The following MYO16 variants were observed in gnomAD, a reference collection of about 807,000 sequenced individuals.
MYO16 encodes the protein unconventional myosin-XVI.
Under a neutral mutation model 205.3 loss-of-function variants are expected in MYO16, and 94 were observed. That is an observed-to-expected ratio of 0.46 (90% CI 0.39 to 0.54). The LOEUF (loss-of-function observed/expected upper bound fraction) is 0.54. Among genes scored for constraint, MYO16 ranks in the 20% least tolerant of loss-of-function variants. The probability of loss-of-function intolerance (pLI) is 0.00; values close to 1 mark genes in which losing one functional copy is unlikely to be tolerated. For synonymous variants in MYO16, 988 were observed against 954.0 expected, an observed-to-expected ratio of 1.04 and a Z score of -0.66; for missense variants, 2,315 against 2,387.5, an observed-to-expected ratio of 0.97 and a Z score of 0.63.
chr13:109,038,186 AC>A (rs1886773108), intron 23 of MYO16, among the ~76,000 whole-genome samples: 1 of 152,154 alleles, frequency 6.6e-6, no homozygotes, highest in Non-Finnish European at 1.5e-5. Context: ...GTGATGATTA[AC>A]TTATGTGTCG....
chr13:108,962,939 C>T (rs1199508192), intron 19 of MYO16, among the ~76,000 whole-genome samples: 1 of 152,244 alleles, frequency 6.6e-6, no homozygotes, highest in African/African-American at 2.4e-5. Context: ...TCACAGATTG[C>T]TCTGATGTGG....
chr13:109,171,172 C>T (rs911315083), intron 33 of MYO16, among the ~76,000 whole-genome samples: 4 of 152,098 alleles, frequency 2.6e-5, no homozygotes, highest in African/African-American at 4.8e-5. Context: ...TTGTTTGTTA[C>T]GGAGGAACCA....
rs78066747 is a variant in MYO16, at chr13:108,815,653, C to T, written c.868-4684C>T. On this transcript the variant is annotated intron_variant, in intron 7 of 34. Coordinates refer to ENST00000457511, the MANE Select transcript of MYO16 (RefSeq NM_001198950.3). ...ACTTCTGACCTACAGAATTGTAAGG[C>T]AATACATTTTTATTGTTTAAGCCAC... 1.4e-4 allele frequency among the ~76,000 whole-genome samples: 21 copies of T among 152,232 alleles called. No homozygotes were observed. In the East Asian group the frequency reaches 4.1e-3, roughly 29 times the overall value.
At chr13:108,874,209 T>TC (rs1327597296) in intron 12 of MYO16, among the ~76,000 whole-genome samples, 1 of 151,866 alleles carries the variant, frequency 6.6e-6, no homozygotes, top group Non-Finnish European at 1.5e-5. Context: ...TCAGGTTTTT[T>TC]TTTAAAAAGC....
intron 16 of MYO16, among the ~76,000 whole-genome samples, chr13:108,916,824 ATTT>A (rs1881513982): frequency 6.6e-6 from 1 of 152,204 alleles, no homozygotes; most frequent in Non-Finnish European, 1.5e-5. Flanking sequence ...GTTCAAGGAT[ATTT>A]AGCTGGAATA....
chr13:109,134,868 G>A (rs1876698498), intron 31 of MYO16, among the ~76,000 whole-genome samples: 1 of 152,114 alleles, frequency 6.6e-6, no homozygotes, highest in Non-Finnish European at 1.5e-5. Flanking sequence ...GTGTTGGAAA[G>A]TACCATCTGT....
chr13:108,528,947 C>T, the MYO16 span, among the ~76,000 whole-genome samples: 2 of 151,778 alleles, frequency 1.3e-5, no homozygotes, highest in Non-Finnish European at 2.9e-5. Context: ...TTGGAAGTGA[C>T]GACTCGATGG....
intron 20 of MYO16, among the ~76,000 whole-genome samples, chr13:108,970,274 C>T (rs900647834): frequency 4.6e-5 from 7 of 152,098 alleles, no homozygotes; most frequent in East Asian, 1.9e-4. Context: ...TTTGGTGTAA[C>T]GCTATTAAAA....
intron 4 of MYO16, among the ~76,000 whole-genome samples, chr13:108,739,090 AT>A: frequency 6.6e-6 from 1 of 152,202 alleles, no homozygotes; most frequent in African/African-American, 2.4e-5. Flanking sequence ...ACTCTATCCA[AT>A]TTGCCAGTCT....
intron 10 of MYO16, among the ~76,000 whole-genome samples, chr13:108,844,872 A>G (rs963161344): frequency 4.6e-5 from 7 of 152,134 alleles, no homozygotes; most frequent in South Asian, 2.1e-4. Flanking sequence ...CAGTCACTGA[A>G]TCATTTATTC....
chr13:109,043,164 A>T (rs534654349), intron 23 of MYO16, among the ~76,000 whole-genome samples: 1 of 152,296 alleles, frequency 6.6e-6, no homozygotes, highest in Non-Finnish European at 1.5e-5. Context: ...TTACAGTATA[A>T]CCAAAACTTG....
intron 16 of MYO16, among the ~76,000 whole-genome samples, chr13:108,929,236 T>C (rs189337104): frequency 2.2e-4 from 33 of 152,334 alleles, no homozygotes; most frequent in Admixed American, 2.2e-3. Flanking sequence ...TACAAAATTG[T>C]TTAAACCATT....
chr13:109,197,849 A>T (rs887232098), intron 34 of MYO16, among the ~76,000 whole-genome samples: 2 of 152,176 alleles, frequency 1.3e-5, no homozygotes, highest in Non-Finnish European at 2.9e-5. Context: ...TAAAGGTAAA[A>T]TTCACAACAT....
chr13:108,763,417 G>C (rs1332570894), intron 4 of MYO16, among the ~76,000 whole-genome samples: 2 of 152,190 alleles, frequency 1.3e-5, no homozygotes, highest in Non-Finnish European at 2.9e-5. Flanking sequence ...TAAGATTGCA[G>C]GGGAAATCTG....
intron 32 of MYO16, among the ~76,000 whole-genome samples, chr13:109,150,493 A>G (rs1282837412): frequency 6.6e-6 from 1 of 152,218 alleles, no homozygotes; most frequent in African/African-American, 2.4e-5. Flanking sequence ...AAGGTACCCT[A>G]TGAATTGCAT....
rs190223091 is a variant in MYO16, at chr13:108,948,156, A to C, written c.1926-9532A>C. Among the ~76,000 whole-genome samples, 9 of 152,354 alleles carry C rather than the reference A, an allele frequency of 5.9e-5. No homozygotes were observed. In the East Asian group the frequency reaches 1.5e-3, roughly 26 times the overall value. Reference sequence around the variant, plus strand: ...TGTTTTAGGAGCAAAGTGAGGGTGCATGGGCAAAAAGCAGCACTTGGCCAT... The same window carrying C: ...TGTTTTAGGAGCAAAGTGAGGGTGCCTGGGCAAAAAGCAGCACTTGGCCAT... On this transcript the variant is annotated intron_variant, in intron 16 of 34. Coordinates refer to ENST00000457511, the MANE Select transcript of MYO16 (RefSeq NM_001198950.3).
At chr13:108,929,346 T>G (rs1882149293) in intron 16 of MYO16, among the ~76,000 whole-genome samples, 1 of 152,206 alleles carries the variant, frequency 6.6e-6, no homozygotes, top group African/African-American at 2.4e-5. Flanking sequence ...GAAAGATGCA[T>G]ATTCCCACAA....
Position 108,993,436 on chromosome 13 carries a change from G to A in MYO16, c.2442+988G>A, listed in dbSNP as rs762822045. On this transcript the variant is annotated intron_variant, in intron 21 of 34. Transcript: ENST00000457511. ...ATTAAGAAATGATGGATACCTACCC[G>A]TTACTGTTGCAAATGGGAGCACTTT... Among the ~76,000 whole-genome samples, 105 of 152,212 alleles carry A rather than the reference G, an allele frequency of 6.9e-4. 1 individual carries two copies. Among genetic ancestry groups the A allele is most frequent in the Non-Finnish European group, 7.9e-4 (54 of 68,012 alleles).
intron 27 of MYO16, among the ~76,000 whole-genome samples, chr13:109,084,776 T>TGGACACTAAAGTGTCCCAAAGTGTG (rs1888388547): frequency 1.3e-5 from 2 of 151,986 alleles, no homozygotes; most frequent in Non-Finnish European, 2.9e-5. Flanking sequence ...TGTGAATGTC[T>TGGACACTAAAGTGTCCCAAAGTGTG]GGACACTAAA....
Sources: gnomAD v4.1 joint callset for allele counts (sites outside exome capture counted in the v4.1 genomes callset) on GRCh38, gnomAD v4.1.1 for gene constraint, MANE v1.5 for transcripts, NCBI Gene and HGNC (gene_info 2026-07-23, HGNC 2026-07-21) for gene names.